Variants in SLC9C1 observed in about 807,000 individuals in gnomAD.
SLC9C1 encodes the protein sodium/hydrogen exchanger 10.
In SLC9C1, 97 loss-of-function variants were observed where a neutral mutation model predicts 140.9. The observed-to-expected ratio is 0.69, with a 90% CI of 0.58 to 0.82. The LOEUF (loss-of-function observed/expected upper bound fraction) is 0.82, where lower values mean the gene tolerates loss of function less well. SLC9C1 is among the 40% of genes least tolerant of loss of function. The pLI, the probability that SLC9C1 is intolerant of heterozygous loss-of-function variation, is 0.00. For synonymous variants in SLC9C1, 440 were observed against 442.6 expected (o/e 0.99, Z 0.07); for missense variants, 1,340 against 1,389.3 (o/e 0.96, Z 0.56).
chr3:112,292,405 A>G (rs2080709597), intron 1 of SLC9C1, among the ~76,000 whole-genome samples: 1 of 152,172 alleles, frequency 6.6e-6, no homozygotes, highest in South Asian at 2.1e-4. Flanking sequence ...GGCTTCCCCA[A>G]CCTCTACTCC....
chr3:112,152,946 T>G (rs2075026676), intron 27 of SLC9C1, among the ~76,000 whole-genome samples: 1 of 152,176 alleles, frequency 6.6e-6, no homozygotes. Context: ...TTCTTATGTC[T>G]TCCTTTTTCT....
intron 10 of SLC9C1, among the ~76,000 whole-genome samples, chr3:112,262,028 T>C (rs531014935): frequency 4.3e-4 from 65 of 152,184 alleles, no homozygotes; most frequent in Non-Finnish European, 8.2e-4. Flanking sequence ...AAACCATTGA[T>C]ACTATTAAGT....
At chr3:112,162,326 A>G in intron 26 of SLC9C1, among the ~76,000 whole-genome samples, 1 of 152,126 alleles carries the variant, frequency 6.6e-6, no homozygotes, top group Non-Finnish European at 1.5e-5. Flanking sequence ...GAGTGGTGAG[A>G]GAGGGCATCC....
chr3:112,231,332 CA>C, intron 13 of SLC9C1, 28 bp downstream of exon 13: 1 of 1,608,910 alleles, frequency 6.2e-7, no homozygotes, highest in Non-Finnish European at 8.5e-7. Flanking sequence ...TTTGGCCAAA[CA>C]TAATTTCAAA....
intron 15 of SLC9C1, among the ~76,000 whole-genome samples, chr3:112,209,103 GATTA>G (rs1412851288): frequency 6.6e-6 from 1 of 152,094 alleles, no homozygotes; most frequent in Non-Finnish European, 1.5e-5. Context: ...ACATGATAAT[GATTA>G]ATTAATTGCC....
At chr3:112,213,604 C>T (rs565827768) in intron 15 of SLC9C1, among the ~76,000 whole-genome samples, 1 of 152,144 alleles carries the variant, frequency 6.6e-6, no homozygotes, top group African/African-American at 2.4e-5. Context: ...TCAAAAGAGA[C>T]AAAGAAGGCC....
intron 28 of SLC9C1, among the ~76,000 whole-genome samples, chr3:112,146,676 G>A (rs2074804829): frequency 6.6e-6 from 1 of 152,120 alleles, no homozygotes; most frequent in Non-Finnish European, 1.5e-5. Flanking sequence ...CAAGAATATG[G>A]TTGGTATGAT....
intron 7 of SLC9C1, among the ~76,000 whole-genome samples, chr3:112,266,775 A>T (rs2079929554): frequency 6.6e-6 from 1 of 152,184 alleles, no homozygotes; most frequent in Non-Finnish European, 1.5e-5. Context: ...TGCTACTTTT[A>T]TCATATATTA....
intron 10 of SLC9C1, among the ~76,000 whole-genome samples, chr3:112,254,299 A>C (rs1044219115): frequency 1.2e-4 from 19 of 152,168 alleles, no homozygotes; most frequent in African/African-American, 4.3e-4. Flanking sequence ...AGATTTTACA[A>C]TGTCAAAATG....
Position 112,169,077 on chromosome 3 carries a change from AC to A in SLC9C1, c.3052-16del. On this transcript the variant is annotated splice_polypyrimidine_tract_variant and intron_variant, in intron 24 of 28. Coordinates refer to ENST00000305815, the MANE Select transcript of SLC9C1 (RefSeq NM_183061.3). ...TAGTTCCAATCCTGTTTTAGAAAAC[AC>A]AATTTCAGTCTATTATTAGTCTATG... 6.3e-7 allele frequency: 1 copy of A among 1,577,464 alleles called. No homozygotes were observed. Among genetic ancestry groups the A allele is most frequent in the East Asian group, 2.2e-5 (1 of 44,566 alleles).
In SLC9C1 at chr3:112,278,860, A is replaced by T; in HGVS notation, c.190-3T>A. ...ATGGCGTTTGCGTATCTTTGGACCT[A>T]ATATTATACAAATATATCATCTTCT... On this transcript the variant is annotated splice_region_variant and splice_polypyrimidine_tract_variant and intron_variant, in intron 3 of 28. Coordinates refer to ENST00000305815, the MANE Select transcript of SLC9C1 (RefSeq NM_183061.3). The T allele has an allele frequency of 1.2e-6, 2 of 1,600,494 alleles. No homozygotes were observed. The highest frequency in any genetic ancestry group is 1.7e-6 in the Non-Finnish European group (2 of 1,175,682).
chr3:112,184,585 G>A (rs1034950500), intron 20 of SLC9C1, among the ~76,000 whole-genome samples: 18 of 152,286 alleles, frequency 1.2e-4, no homozygotes, highest in Non-Finnish European at 2.2e-4. Context: ...GCAGTGAGCC[G>A]AAATCTTGCT....
chr3:112,203,203 A>G (rs1451565924), intron 17 of SLC9C1, among the ~76,000 whole-genome samples: 1 of 152,028 alleles, frequency 6.6e-6, no homozygotes, highest in Admixed American at 6.6e-5. Context: ...TTCATATTCC[A>G]AGGACCTGTG....
At chr3:112,191,602 T>C (rs1218456339) in intron 20 of SLC9C1, among the ~76,000 whole-genome samples, 1 of 152,126 alleles carries the variant, frequency 6.6e-6, no homozygotes, top group Non-Finnish European at 1.5e-5. Flanking sequence ...TTTGTTAATA[T>C]TTTGTTGAGA....
intron 15 of SLC9C1, among the ~76,000 whole-genome samples, chr3:112,211,709 A>T (rs1026406204): frequency 5.9e-5 from 9 of 152,210 alleles, no homozygotes; most frequent in South Asian, 4.1e-4. Context: ...AGTGGCCGGG[A>T]GGCTCAAGCT....
At chr3:112,142,911 G>C (rs1402318903) in intron 28 of SLC9C1, among the ~76,000 whole-genome samples, 1 of 151,702 alleles carries the variant, frequency 6.6e-6, no homozygotes, top group Non-Finnish European at 1.5e-5. Context: ...GAAATCCCCA[G>C]GGTCTAATGT....
intron 15 of SLC9C1, 110 bp downstream of exon 15, chr3:112,217,332 C>A: frequency 7.6e-7 from 1 of 1,310,852 alleles, no homozygotes; most frequent in South Asian, 1.6e-5. Context: ...CACATGTACC[C>A]TAGCACTTAT....
At chr3:112,156,489 A>C (rs1338980524) in intron 26 of SLC9C1, among the ~76,000 whole-genome samples, 1 of 152,160 alleles carries the variant, frequency 6.6e-6, no homozygotes, top group East Asian at 1.9e-4. Flanking sequence ...ATGGGAGTGA[A>C]GACATCGCTT....
intron 18 of SLC9C1, 33 bp downstream of exon 18, chr3:112,202,217 G>A (rs1261953836): frequency 1.2e-6 from 2 of 1,606,196 alleles, no homozygotes; most frequent in African/African-American, 1.3e-5. Flanking sequence ...AGGGCTGAGT[G>A]AACTCTTTTC....
Sources: allele counts gnomAD v4.1 joint callset (sites outside exome capture counted in the v4.1 genomes callset), GRCh38; gene constraint gnomAD v4.1.1; transcripts MANE v1.5; gene names NCBI Gene and HGNC (gene_info 2026-07-23, HGNC 2026-07-21).